The following KCNH7 variants were observed in gnomAD, a reference collection of about 807,000 sequenced individuals.
KCNH7 encodes voltage-gated inwardly rectifying potassium channel KCNH7.
Under a neutral mutation model 120.8 loss-of-function variants are expected in KCNH7, and 49 were observed. The observed-to-expected ratio is 0.41, with a 90% confidence interval of 0.32 to 0.51. The LOEUF is 0.51. KCNH7 is among the 20% of genes least tolerant of loss of function. The pLI, the probability that KCNH7 is intolerant of heterozygous loss-of-function variation, is 0.38. For synonymous variants in KCNH7, 547 were observed against 516.1 expected (o/e 1.06, Z -0.81); for missense variants, 1,097 against 1,446.6 (o/e 0.76, Z 3.92).
At chr2:162,817,500 C>G (rs188289109) in intron 2 of KCNH7, among the ~76,000 whole-genome samples, 1 of 151,924 alleles carries the variant, frequency 6.6e-6, no homozygotes, top group Admixed American at 6.6e-5. Flanking sequence ...CAGATTTAGG[C>G]TATTATAAAT....
At chr2:162,528,261 A>G (rs1574066788) in intron 3 of KCNH7, 1 of 152,138 alleles carries the variant, frequency 6.6e-6, no homozygotes, top group East Asian at 1.9e-4. Flanking sequence ...GTTATGGGCC[A>G]CTTCAAATAA....
At chr2:162,734,968 G>T (rs1211379437) in intron 2 of KCNH7, among the ~76,000 whole-genome samples, 1 of 152,138 alleles carries the variant, frequency 6.6e-6, no homozygotes, top group Non-Finnish European at 1.5e-5. Context: ...ATTCTGCCTT[G>T]CATCCAAGCC....
chr2:162,588,851 G>A (rs1694109940), intron 2 of KCNH7, among the ~76,000 whole-genome samples: 1 of 151,922 alleles, frequency 6.6e-6, no homozygotes. Flanking sequence ...GTAATTTTGT[G>A]TCCTTTAACA....
intron 2 of KCNH7, among the ~76,000 whole-genome samples, chr2:162,767,591 T>A (rs1465352957): frequency 6.6e-6 from 1 of 152,114 alleles, no homozygotes; most frequent in African/African-American, 2.4e-5. Context: ...TCCCCCAGAT[T>A]CTGCTAAAAT....
intron 6 of KCNH7, among the ~76,000 whole-genome samples, chr2:162,483,921 T>G (rs1336509298): frequency 6.6e-6 from 1 of 152,068 alleles, no homozygotes; most frequent in Non-Finnish European, 1.5e-5. Flanking sequence ...GTCATCCACC[T>G]TAGGTGAAAA....
chr2:162,461,343 G>A lies in KCNH7; in HGVS notation c.1129-14900C>T, dbSNP rs80053540. On this transcript the variant is annotated intron_variant, in intron 6 of 15. Coordinates refer to ENST00000332142, the MANE Select transcript of KCNH7 (RefSeq NM_033272.4). ...GTCAATTTTCTTACTAGCAAAATGAGGACAACAATATACAATTCATAGGCA... is the reference window on the plus strand; with the variant it reads ...GTCAATTTTCTTACTAGCAAAATGAAGACAACAATATACAATTCATAGGCA... 9.8e-3 allele frequency among the ~76,000 whole-genome samples: 1,485 copies of A among 152,152 alleles called. 23 individuals carry two copies. The highest frequency in any genetic ancestry group is 0.034 in the African/African-American group (1,429 of 41,500).
intron 2 of KCNH7, among the ~76,000 whole-genome samples, chr2:162,744,649 T>C (rs1427755871): frequency 1.3e-5 from 2 of 150,126 alleles, no homozygotes; most frequent in South Asian, 4.2e-4. Context: ...CTCCGCTTAC[T>C]GCAAGCTTCG....
chr2:162,547,526 G>A (rs565125401), intron 2 of KCNH7, among the ~76,000 whole-genome samples: 1 of 152,134 alleles, frequency 6.6e-6, no homozygotes, highest in Non-Finnish European at 1.5e-5. Context: ...TTATTATGCT[G>A]TGTTCTTGAC....
Position 162,748,971 on chromosome 2 carries a change from CTTCCTTCCTTCCTTCCTTCT to C in KCNH7, c.307+87546_307+87565del, listed in dbSNP as rs1464889332. On this transcript the variant is annotated intron_variant, in intron 2 of 15. Transcript: ENST00000332142. ...CCTTCCTTCCTTCCTTCCTTCCTTCCTTCCTTCCTTCCTTCCTTCTTTCCTCTCTTTTGCACTGAAAAGCA... is the reference window on the plus strand; with the variant it reads ...CCTTCCTTCCTTCCTTCCTTCCTTCCTTCCTCTCTTTTGCACTGAAAAGCA... 4.8e-3 allele frequency among the ~76,000 whole-genome samples: 661 copies of C among 138,260 alleles called. 68 individuals are homozygous for C. In the East Asian group the frequency reaches 0.053, roughly 11 times the overall value. 90.7% of individuals were successfully genotyped at this position (138,260 alleles called of 152,430 possible). A position where few individuals can be genotyped will look rare whatever the true frequency, so the allele number is the denominator to read the frequency against.
chr2:162,724,874 G>A lies in KCNH7; in HGVS notation c.307+111663C>T, dbSNP rs1445882043. Among the ~76,000 whole-genome samples the A allele has an allele frequency of 2.0e-5, 3 of 152,192 alleles. No individual in the cohort carries two copies. In the East Asian group the frequency reaches 5.8e-4, roughly 29 times the overall value. ...CAAATAGATATTATAGCAACTTACT[G>A]CATCAAAGGAAAAGGTTACTTCCTT... On this transcript the variant is annotated intron_variant, in intron 2 of 15. Coordinates refer to ENST00000332142, the MANE Select transcript of KCNH7 (RefSeq NM_033272.4).
chr2:162,457,689 C>T (rs113826723), intron 6 of KCNH7, among the ~76,000 whole-genome samples: 148 of 152,250 alleles, frequency 9.7e-4, no homozygotes, highest in East Asian at 4.6e-3. Context: ...AGCTGTTAAA[C>T]GCCATGATGA....
At chr2:162,737,290 C>T (rs530540620) in intron 2 of KCNH7, among the ~76,000 whole-genome samples, 32 of 152,128 alleles carry the variant, frequency 2.1e-4, no homozygotes, top group Admixed American at 2.0e-3. Context: ...CTAATGGGTT[C>T]AGAGAGGACC....
rs1204233695 is a variant in KCNH7 at position 162,787,736 on chromosome 2, C to G, written c.307+48801G>C. 2.6e-5 allele frequency among the ~76,000 whole-genome samples: 4 copies of G among 152,126 alleles called. No homozygotes were observed. In the East Asian group the frequency reaches 7.7e-4, roughly 29 times the overall value. On this transcript the variant is annotated intron_variant, in intron 2 of 15. Transcript: ENST00000332142. The stretch of plus-strand genomic sequence containing the variant: ...ATAACATCAGTTCAGATGCTATATA[C>G]TCAGTTTCCAGGTCCATCTCAGTAG...
chr2:162,641,196 C>T, intron 2 of KCNH7, among the ~76,000 whole-genome samples: 1 of 152,076 alleles, frequency 6.6e-6, no homozygotes, highest in East Asian at 1.9e-4. Context: ...TCATGTAAAA[C>T]CTGTACATGA....
At chr2:162,457,286 A>G (rs1190238087) in intron 6 of KCNH7, among the ~76,000 whole-genome samples, 1 of 152,162 alleles carries the variant, frequency 6.6e-6, no homozygotes, top group Non-Finnish European at 1.5e-5. Flanking sequence ...AGGAAGATAA[A>G]ACATGATTAA....
At position 162,590,568 on chromosome 2, in the gene KCNH7, A is replaced by G. The variant is rs1694177502; in HGVS notation, c.308-53488T>C. On this transcript the variant is annotated intron_variant, in intron 2 of 15. Coordinates refer to ENST00000332142, the MANE Select transcript of KCNH7 (RefSeq NM_033272.4). ...AGCAAAGGGAAATAAATGAAAAGCC[A>G]TATTCTCTAGTCTTCCTCATGCTCA... is the stretch of plus-strand genomic sequence containing the variant. 1.3e-5 allele frequency among the ~76,000 whole-genome samples: 2 copies of G among 152,138 alleles called. 1 individual carries two copies. The highest frequency in any genetic ancestry group is 4.1e-4 in the South Asian group (2 of 4,830).
rs540101759 is a variant in KCNH7 at position 162,490,062 on chromosome 2, G to C, written c.1128+14381C>G. Among the ~76,000 whole-genome samples the C allele has an allele frequency of 3.5e-4, 53 of 152,340 alleles. No individual in the cohort carries two copies. The South Asian group carries it at 0.011, about 30-fold the overall frequency. ...GAGAACACGTTAATCATACTCTAGA[G>C]GTATGGAAAGAAGTTAGCCAGCTTG... is the stretch of plus-strand genomic sequence containing the variant. On this transcript the variant is annotated intron_variant, in intron 6 of 15. Coordinates refer to ENST00000332142, the MANE Select transcript of KCNH7 (RefSeq NM_033272.4).
chr2:162,414,680 G>A (rs1235306168), intron 9 of KCNH7, among the ~76,000 whole-genome samples: 3 of 151,920 alleles, frequency 2.0e-5, no homozygotes, highest in Non-Finnish European at 4.4e-5. Context: ...CATATTAAAA[G>A]TTATGGAAGT....
chr2:162,390,879 T>C (rs1476754868), intron 12 of KCNH7, among the ~76,000 whole-genome samples: 1 of 152,014 alleles, frequency 6.6e-6, no homozygotes, highest in Non-Finnish European at 1.5e-5. Context: ...ATATATTTTG[T>C]TTTTCAGCTT....
Sources: allele counts gnomAD v4.1 joint callset (sites outside exome capture counted in the v4.1 genomes callset), GRCh38; gene constraint gnomAD v4.1.1; transcripts MANE v1.5; gene names NCBI Gene and HGNC (gene_info 2026-07-23, HGNC 2026-07-21).